The following PARVB variants were observed in gnomAD, a reference collection of about 807,000 sequenced individuals.
PARVB encodes beta-parvin.
In PARVB, 46 loss-of-function variants were observed where a neutral mutation model predicts 47.0. That is an observed-to-expected ratio of 0.98 (90% confidence interval 0.77 to 1.25). The LOEUF is 1.25. Among genes scored for constraint, PARVB ranks in the 50% most tolerant of loss-of-function variants. The probability of loss-of-function intolerance (pLI) is 0.00; values close to 1 mark genes in which losing one functional copy is unlikely to be tolerated. For synonymous variants in PARVB, 196 were observed against 196.3 expected, an observed-to-expected ratio of 1.00 and a Z score of 0.01; for missense variants, 473 against 471.6, an observed-to-expected ratio of 1.00 and a Z score of -0.03.
At chr22:44,144,333 G>A (rs1396955861) in intron 8 of PARVB, 1 of 152,356 alleles carries the variant, frequency 6.6e-6, no homozygotes, top group Non-Finnish European at 1.5e-5. Flanking sequence ...CCAGGGCTGG[G>A]TGGCAGTGGG....
chr22:44,109,365 A>G (rs1323244969), intron 3 of PARVB: 2 of 152,286 alleles, frequency 1.3e-5, no homozygotes, highest in Non-Finnish European at 2.9e-5. Context: ...GGTTAAAGCC[A>G]AAGCTCATAA....
intron 2 of PARVB, among the ~76,000 whole-genome samples, chr22:44,003,357 A>G (rs2050431912): frequency 6.6e-6 from 1 of 152,194 alleles, no homozygotes; most frequent in Non-Finnish European, 1.5e-5. Flanking sequence ...AAATACCAGA[A>G]CATCATAAAG....
chr22:44,139,858 C>T, intron 7 of PARVB: 1 of 501,670 alleles, frequency 2.0e-6, no homozygotes, highest in South Asian at 2.6e-5. Context: ...AACAACATTA[C>T]CAGGGTGGTT....
At chr22:44,145,888 G>T (rs930624861) in intron 8 of PARVB, 6 of 149,016 alleles carry the variant, frequency 4.0e-5, no homozygotes, top group Non-Finnish European at 7.4e-5. Flanking sequence ...GCTTTGTAAA[G>T]ATGTAAAAAT....
chr22:44,053,373 C>T (rs1394392192), intron 1 of PARVB, among the ~76,000 whole-genome samples: 3 of 151,958 alleles, frequency 2.0e-5, no homozygotes, highest in Non-Finnish European at 2.9e-5. Flanking sequence ...TGAGCCACCG[C>T]GCCCAGCCTG....
intron 2 of PARVB, among the ~76,000 whole-genome samples, chr22:44,001,486 T>C (rs377747562): frequency 6.6e-6 from 1 of 152,268 alleles, no homozygotes; most frequent in South Asian, 2.1e-4. Context: ...TTGGGAAAAA[T>C]CTAAAACAAA....
rs186784136 is a variant in PARVB at position 44,038,642 on chromosome 22, C to T, written c.112+14191C>T. On this transcript the variant is annotated intron_variant, in intron 1 of 12. Coordinates refer to ENST00000338758, the MANE Select transcript of PARVB (RefSeq NM_013327.5). ...CTAAAAAATACAAAAATTAGCTGGG[C>T]GTGATGGTGTACGCCTGTAATCCCA... Among the ~76,000 whole-genome samples, 113 of 152,144 alleles carry T rather than the reference C, an allele frequency of 7.4e-4. 2 individuals are homozygous for T. Among genetic ancestry groups the T allele is most frequent in the Middle Eastern group, 3.4e-3 (1 of 294 alleles).
intron 10 of PARVB, chr22:44,153,162 A>G (rs2053846681): frequency 6.6e-6 from 1 of 152,216 alleles, no homozygotes; most frequent in African/African-American, 2.4e-5. Context: ...TTGCACATTT[A>G]GCCTCAGATT....
chr22:44,093,400 T>C (rs2052219451), intron 1 of PARVB, among the ~76,000 whole-genome samples: 1 of 152,222 alleles, frequency 6.6e-6, no homozygotes, highest in South Asian at 2.1e-4. Flanking sequence ...GTTCCAGCCA[T>C]CCTGACCCGG....
intron 1 of PARVB, among the ~76,000 whole-genome samples, chr22:44,024,980 A>C (rs867934651): frequency 2.1e-4 from 31 of 150,270 alleles, no homozygotes; most frequent in African/African-American, 7.7e-4. Context: ...TTTTTTTTTA[A>C]ATTTTTTACT....
At chr22:44,116,991 G>A (rs905548455) in intron 3 of PARVB, among the ~76,000 whole-genome samples, 7 of 152,170 alleles carry the variant, frequency 4.6e-5, no homozygotes, top group Non-Finnish European at 7.4e-5. Flanking sequence ...GACAGAAGTA[G>A]GGTGAGAAGG....
In PARVB at chr22:44,147,618, C is replaced by T. The variant is rs115040122; in HGVS notation, c.713-243C>T. ...AAGGTAAAAAGCAGGTGGAAGGGAC[C>T]CTCTGCAGCCTCTAGTCCACGCTGT... is the stretch of plus-strand genomic sequence containing the variant. On this transcript the variant is annotated intron_variant, in intron 8 of 12. Coordinates refer to ENST00000338758, the MANE Select transcript of PARVB (RefSeq NM_013327.5). 2.1e-3 allele frequency: 1,450 copies of T among 704,136 alleles called. 17 individuals are homozygous for T. The African/African-American group carries it at 0.023, about 11-fold the overall frequency. The allele number at this position is 704,136 out of a possible 1,614,324, so 43.6% of individuals were successfully genotyped here.
At chr22:44,091,075 C>G (rs1208921700) in intron 1 of PARVB, among the ~76,000 whole-genome samples, 2 of 152,122 alleles carry the variant, frequency 1.3e-5, no homozygotes, top group African/African-American at 4.8e-5. Flanking sequence ...AGTCTCAAAA[C>G]TCTATGTCTG....
chr22:44,024,455 A>G lies in PARVB; in HGVS notation c.112+4A>G. 1 of 1,129,214 alleles carries G rather than the reference A, an allele frequency of 8.9e-7. No homozygotes were observed. The allele number at this position is 1,129,214 out of a possible 1,614,324, so 69.9% of individuals were successfully genotyped here. On this transcript the variant is annotated splice_donor_region_variant and intron_variant, in intron 1 of 12. Transcript: ENST00000338758. ...AGGAAGCGGAGGGCGCGCGAGGGTG[A>G]GTGCGCGCCCGCGCCCGCCGACCCC...
chr22:44,085,256 C>T (rs529136228), intron 1 of PARVB, among the ~76,000 whole-genome samples: 67 of 152,324 alleles, frequency 4.4e-4, no homozygotes, highest in African/African-American at 1.5e-3. Context: ...TGTACACCAC[C>T]ACACCCAGCC....
At chr22:44,012,758 C>T (rs1034393711) in intron 2 of PARVB, among the ~76,000 whole-genome samples, 7 of 152,074 alleles carry the variant, frequency 4.6e-5, no homozygotes, top group Non-Finnish European at 8.8e-5. Flanking sequence ...TTAAGTATTC[C>T]CTGGAATGAG....
rs756560406 is a variant in PARVB at position 44,157,943 on chromosome 22, C to T, written c.844-39C>T. 7 of 1,495,876 alleles carry T rather than the reference C, an allele frequency of 4.7e-6. No homozygotes were observed. In the East Asian group the frequency reaches 9.0e-5, roughly 19 times the overall value. 92.7% of individuals were successfully genotyped at this position (1,495,876 alleles called of 1,614,324 possible). ...GTTTGTGCAAAGCATTTGCCAACTCCTTACCCTGCCCGGAAACATCACAAG... is the reference window on the plus strand; with the variant it reads ...GTTTGTGCAAAGCATTTGCCAACTCTTTACCCTGCCCGGAAACATCACAAG... On this transcript the variant is annotated intron_variant, in intron 10 of 12. Coordinates refer to ENST00000338758, the MANE Select transcript of PARVB (RefSeq NM_013327.5).
chr22:44,145,364 C>T (rs2053641163), intron 8 of PARVB: 1 of 152,248 alleles, frequency 6.6e-6, no homozygotes, highest in Non-Finnish European at 1.5e-5. Context: ...CTCTCTCTGT[C>T]TCTCTCTCTC....
intron 1 of PARVB, among the ~76,000 whole-genome samples, chr22:44,083,697 G>A (rs1410634835): frequency 6.6e-6 from 1 of 152,082 alleles, no homozygotes; most frequent in Non-Finnish European, 1.5e-5. Flanking sequence ...CGATGAGTGT[G>A]GAAGCATGGT....
Sources: gnomAD v4.1 joint callset for allele counts (sites outside exome capture counted in the v4.1 genomes callset) on GRCh38, gnomAD v4.1.1 for gene constraint, MANE v1.5 for transcripts, NCBI Gene and HGNC (gene_info 2026-07-23, HGNC 2026-07-21) for gene names.